ARHGEF28: variants seen among roughly 807,000 people sequenced by gnomAD.
The protein encoded by ARHGEF28 is Rho guanine nucleotide exchange factor 28.
In ARHGEF28, 152 loss-of-function variants were observed where a neutral mutation model predicts 206.6. The observed-to-expected ratio is 0.74, with a 90% CI of 0.64 to 0.84. The LOEUF (loss-of-function observed/expected upper bound fraction) is 0.84, where lower values mean the gene tolerates loss of function less well. Among genes scored for constraint, ARHGEF28 ranks in the 40% least tolerant of loss-of-function variants. The pLI is 0.00. For missense variants in ARHGEF28, 2,028 were observed against 2,073.2 expected, an observed-to-expected ratio of 0.98 and a Z score of 0.42; for synonymous variants, 763 against 776.4, an observed-to-expected ratio of 0.98 and a Z score of 0.29.
intron 35 of ARHGEF28, among the ~76,000 whole-genome samples, chr5:73,938,572 G>A (rs1742347983): frequency 6.6e-6 from 1 of 152,102 alleles, no homozygotes; most frequent in African/African-American, 2.4e-5. Flanking sequence ...GGACTGTTGT[G>A]GCTTTGGTGA....
At chr5:73,775,962 TGTGA>T (rs944007252) in intron 5 of ARHGEF28, among the ~76,000 whole-genome samples, 10 of 152,358 alleles carry the variant, frequency 6.6e-5, no homozygotes, top group African/African-American at 2.2e-4. Flanking sequence ...TTCCTTTGTG[TGTGA>T]GTGTGTTCAG....
At chr5:73,889,952 G>A (rs962706665) in intron 26 of ARHGEF28, among the ~76,000 whole-genome samples, 3 of 152,208 alleles carry the variant, frequency 2.0e-5, no homozygotes, top group Admixed American at 6.5e-5. Flanking sequence ...AAATCCTCTA[G>A]TATTTAAATG....
intron 9 of ARHGEF28, among the ~76,000 whole-genome samples, chr5:73,816,904 A>G (rs1756248372): frequency 6.6e-6 from 1 of 152,168 alleles, no homozygotes; most frequent in Non-Finnish European, 1.5e-5. Flanking sequence ...GTGGGCCAGA[A>G]TCCATTACTG....
At position 73,773,964 on chromosome 5, in the gene ARHGEF28, C is replaced by G. The variant is rs751171471; in HGVS notation, c.585C>G (p.Pro195=). Residue 195 remains proline (P), a synonymous_variant, in exon 5 of 36, where the codon CCC becomes CCG. Transcript: ENST00000513042. ...LPGGVQALAL[P]NEEGATPLDL... is the part of the protein sequence containing the mutation. ...GGGGAGTCCAGGCCTTGGCTTTACC[C>G]AACGAAGAGGGTGCCACACCATTAG... 1.7e-5 allele frequency: 27 copies of G among 1,607,006 alleles called. No individual in the cohort carries two copies. Among genetic ancestry groups the G allele is most frequent in the Non-Finnish European group, 2.3e-5 (27 of 1,176,636 alleles).
At chr5:73,890,260 C>G (rs952987098) in intron 26 of ARHGEF28, among the ~76,000 whole-genome samples, 3 of 152,228 alleles carry the variant, frequency 2.0e-5, no homozygotes, top group African/African-American at 7.2e-5. Flanking sequence ...CCTGCCACCT[C>G]CCCTCCCCTG....
intron 14 of ARHGEF28, 68 bp from the exon 15 acceptor site, chr5:73,857,588 T>TACACAC: frequency 7.7e-7 from 1 of 1,296,084 alleles, no homozygotes; most frequent in African/African-American, 1.5e-5. Context: ...CACACACACA[T>TACACAC]ACACACACAC....
chr5:73,771,151 T>C (rs565275197), intron 4 of ARHGEF28, among the ~76,000 whole-genome samples: 6 of 152,370 alleles, frequency 3.9e-5, no homozygotes, highest in African/African-American at 1.4e-4. Flanking sequence ...GGTTTAGATG[T>C]TCCCTTTTGA....
intron 35 of ARHGEF28, among the ~76,000 whole-genome samples, chr5:73,932,687 T>C (rs911671333): frequency 2.6e-5 from 4 of 152,094 alleles, no homozygotes; most frequent in Non-Finnish European, 5.9e-5. Context: ...TCAAATTAAG[T>C]ATTCACTAAT....
At chr5:73,882,434 T>C in intron 22 of ARHGEF28, 38 bp from the exon 23 acceptor site, 1 of 1,334,896 alleles carries the variant, frequency 7.5e-7, no homozygotes, top group South Asian at 1.6e-5. Context: ...TAGAACTTAC[T>C]AAATTTACAA....
intron 16 of ARHGEF28, among the ~76,000 whole-genome samples, chr5:73,864,513 T>C (rs1759584984): frequency 6.6e-6 from 1 of 152,198 alleles, no homozygotes; most frequent in Non-Finnish European, 1.5e-5. Context: ...AAGTGAGTTC[T>C]CAGGGAGACA....
intron 6 of ARHGEF28, among the ~76,000 whole-genome samples, chr5:73,777,046 A>G (rs928056467): frequency 6.6e-6 from 1 of 152,168 alleles, no homozygotes; most frequent in Non-Finnish European, 1.5e-5. Flanking sequence ...CTGGATTATC[A>G]TATTGCTCAA....
chr5:73,780,786 C>T (rs1432001330), intron 7 of ARHGEF28, 41 bp downstream of exon 7: 2 of 1,542,772 alleles, frequency 1.3e-6, no homozygotes. Context: ...CCACAGAGTG[C>T]TCTGGACCAA....
At chr5:73,752,174 G>A (rs1385117870) in intron 3 of ARHGEF28, among the ~76,000 whole-genome samples, 1 of 152,098 alleles carries the variant, frequency 6.6e-6, no homozygotes, top group African/African-American at 2.4e-5. Context: ...ATCTGCCAAG[G>A]GCAGCATAAA....
At position 73,915,268 on chromosome 5, in the gene ARHGEF28, TCTTTAG is replaced by T. The variant is rs1429158433; in HGVS notation, c.4948+3699_4948+3704del. Among the ~76,000 whole-genome samples the T allele has an allele frequency of 8.5e-5, 13 of 152,326 alleles. No homozygotes were observed. The South Asian group carries it at 1.0e-3, about 12-fold the overall frequency. On this transcript the variant is annotated intron_variant, in intron 35 of 35. Coordinates refer to ENST00000513042, the MANE Select transcript of ARHGEF28 (RefSeq NM_001177693.2). ...TGAACATTTTCAGTATCATAAATAC[TCTTTAG>T]CTTTACTTTTTTCTCATAAGGGATA...
At chr5:73,791,636 G>A (rs924748443) in intron 7 of ARHGEF28, among the ~76,000 whole-genome samples, 1 of 125,808 alleles carries the variant, frequency 7.9e-6, no homozygotes, top group Non-Finnish European at 1.7e-5. Flanking sequence ...AGTAAGACAT[G>A]TGCATAGAGG....
chr5:73,888,061 C>A (rs939779522), intron 26 of ARHGEF28, among the ~76,000 whole-genome samples: 1 of 152,208 alleles, frequency 6.6e-6, no homozygotes, highest in Non-Finnish European at 1.5e-5. Context: ...CCCCAAACCC[C>A]TTCCCTTAGA....
At chr5:73,842,800 C>T (rs899869202) in intron 11 of ARHGEF28, among the ~76,000 whole-genome samples, 2 of 151,952 alleles carry the variant, frequency 1.3e-5, no homozygotes, top group Non-Finnish European at 2.9e-5. Flanking sequence ...GCGGCCAACA[C>T]GGTGAAACTC....
Position 73,655,945 on chromosome 5 carries a change from G to A in ARHGEF28, c.-11-28896G>A, listed in dbSNP as rs1745169878. On this transcript the variant is annotated intron_variant, in intron 1 of 35. Transcript: ENST00000513042. ...TCATTTTCTTATGTTGTCACTAAGT[G>A]TTTTGTCTGCTGTAGCCAGGAACCA... Among the ~76,000 whole-genome samples, 5 of 152,202 alleles carry A rather than the reference G, an allele frequency of 3.3e-5. No individual in the cohort carries two copies. In the South Asian group the frequency reaches 1.0e-3, roughly 31 times the overall value.
chr5:73,810,911 GTCTT>G lies in ARHGEF28; in HGVS notation c.1024+15524_1024+15527del, dbSNP rs377608402. Reference sequence around the variant, plus strand: ...CTGTTTGTAATTTAATAAGAAACATGTCTTTCTCTTTCCCATAGCATCAGTCAAC... The same window carrying G: ...CTGTTTGTAATTTAATAAGAAACATGTCTCTTTCCCATAGCATCAGTCAAC... On this transcript the variant is annotated intron_variant, in intron 9 of 35. Coordinates refer to ENST00000513042, the MANE Select transcript of ARHGEF28 (RefSeq NM_001177693.2). Among the ~76,000 whole-genome samples, 273 of 152,234 alleles carry G rather than the reference GTCTT, an allele frequency of 1.8e-3. 2 individuals carry two copies. Among genetic ancestry groups the G allele is most frequent in the African/African-American group, 4.9e-3 (202 of 41,538 alleles).
Sources: gnomAD v4.1 joint callset for allele counts (sites outside exome capture counted in the v4.1 genomes callset) on GRCh38, gnomAD v4.1.1 for gene constraint, MANE v1.5 for transcripts, NCBI Gene and HGNC (gene_info 2026-07-23, HGNC 2026-07-21) for gene names.